Variants in PTPRM observed in about 807,000 individuals in gnomAD.
PTPRM encodes the protein receptor-type tyrosine-protein phosphatase mu.
PTPRM carries 47 observed loss-of-function variants against 186.7 expected under a neutral mutation model. That is an observed-to-expected ratio of 0.25 (90% confidence interval 0.20 to 0.32). The LOEUF is 0.32. Ranked by LOEUF, PTPRM falls within the 10% of genes least tolerant of loss-of-function variation. PTPRM has a pLI of 1.00. For synonymous variants in PTPRM, 668 were observed against 674.9 expected, an observed-to-expected ratio of 0.99 and a Z score of 0.16; for missense variants, 1,494 against 1,865.0, an observed-to-expected ratio of 0.80 and a Z score of 3.66.
chr18:7,577,694 A>C (rs952656844), intron 1 of PTPRM, among the ~76,000 whole-genome samples: 2 of 152,240 alleles, frequency 1.3e-5, no homozygotes, highest in Middle Eastern at 3.4e-3. Context: ...TCAACTTCTG[A>C]AGTCTTGAAC....
intron 2 of PTPRM, among the ~76,000 whole-genome samples, chr18:7,856,565 C>G (rs940462003): frequency 6.6e-6 from 1 of 151,532 alleles, no homozygotes; most frequent in African/African-American, 2.4e-5. Context: ...ATAGTGAGAC[C>G]CTGTCTTTGC....
At chr18:7,777,839 A>C (rs2042665702) in intron 2 of PTPRM, among the ~76,000 whole-genome samples, 1 of 152,168 alleles carries the variant, frequency 6.6e-6, no homozygotes, top group Admixed American at 6.5e-5. Flanking sequence ...ACAGTCCTGT[A>C]ATTCTAATAA....
intron 22 of PTPRM, among the ~76,000 whole-genome samples, chr18:8,328,378 A>C (rs1424460308): frequency 6.6e-6 from 1 of 152,208 alleles, no homozygotes; most frequent in Non-Finnish European, 1.5e-5. Context: ...TAGAATTGAA[A>C]GAACTTTTTT....
intron 1 of PTPRM, among the ~76,000 whole-genome samples, chr18:7,683,057 T>G (rs2144587099): frequency 6.6e-6 from 1 of 152,294 alleles, no homozygotes; most frequent in South Asian, 2.1e-4. Context: ...TCCATGAGGC[T>G]TAGTGTCTCT....
chr18:7,683,702 A>G (rs1416928243), intron 1 of PTPRM, among the ~76,000 whole-genome samples: 1 of 152,196 alleles, frequency 6.6e-6, no homozygotes, highest in Admixed American at 6.5e-5. Flanking sequence ...GTTGCATAAT[A>G]AATTGCTACA....
At chr18:7,577,134 T>A (rs1200725137) in intron 1 of PTPRM, among the ~76,000 whole-genome samples, 1 of 152,194 alleles carries the variant, frequency 6.6e-6, no homozygotes, top group African/African-American at 2.4e-5. Flanking sequence ...CCAATAACCT[T>A]AACAATAGAA....
chr18:8,048,334 A>C (rs2087215935), intron 7 of PTPRM, among the ~76,000 whole-genome samples: 1 of 152,052 alleles, frequency 6.6e-6, no homozygotes, highest in African/African-American at 2.4e-5. Flanking sequence ...TCAAGTTAGA[A>C]CCTGTATTTT....
chr18:8,001,855 A>G (rs12185387), intron 7 of PTPRM, among the ~76,000 whole-genome samples: 13,389 of 152,268 alleles, frequency 0.088, 698 homozygotes, highest in South Asian at 0.17. Flanking sequence ...TACTGAACAC[A>G]TCATATTCTA....
intron 14 of PTPRM, among the ~76,000 whole-genome samples, chr18:8,185,580 C>T (rs540109240): frequency 1.3e-5 from 2 of 152,324 alleles, no homozygotes; most frequent in East Asian, 3.9e-4. Context: ...TCAGTGGCCT[C>T]AGGTGGCTCT....
At chr18:8,261,180 G>A (rs925000561) in intron 19 of PTPRM, among the ~76,000 whole-genome samples, 3 of 152,148 alleles carry the variant, frequency 2.0e-5, no homozygotes, top group Non-Finnish European at 4.4e-5. Context: ...ATCAGTGCAG[G>A]TTGTTTTCTG....
At chr18:7,771,989 G>T (rs968822546) in intron 1 of PTPRM, among the ~76,000 whole-genome samples, 2 of 152,206 alleles carry the variant, frequency 1.3e-5, no homozygotes, top group Non-Finnish European at 2.9e-5. Flanking sequence ...TACAAAAGCC[G>T]TATGGGATTT....
At chr18:7,704,970 T>G (rs1418023182) in intron 1 of PTPRM, among the ~76,000 whole-genome samples, 1 of 152,104 alleles carries the variant, frequency 6.6e-6, no homozygotes, top group East Asian at 1.9e-4. Context: ...ACCTGTAGTT[T>G]CACTATGTGA....
chr18:7,590,617 T>G (rs775220094), intron 1 of PTPRM, among the ~76,000 whole-genome samples: 2 of 152,190 alleles, frequency 1.3e-5, no homozygotes, highest in Non-Finnish European at 2.9e-5. Flanking sequence ...TCCTGGTATA[T>G]TCATGTAATA....
chr18:8,320,190 CA>C (rs1288409747), intron 22 of PTPRM, among the ~76,000 whole-genome samples: 1 of 152,090 alleles, frequency 6.6e-6, no homozygotes, highest in Non-Finnish European at 1.5e-5. Flanking sequence ...TGTGATCTGC[CA>C]AAGGTTAGGC....
chr18:8,267,757 A>T (rs1265277460), intron 19 of PTPRM, among the ~76,000 whole-genome samples: 2 of 152,186 alleles, frequency 1.3e-5, no homozygotes, highest in Non-Finnish European at 2.9e-5. Flanking sequence ...TCGCATCAGC[A>T]CTCTGTAAGA....
intron 14 of PTPRM, among the ~76,000 whole-genome samples, chr18:8,220,099 C>T (rs899900747): frequency 5.9e-5 from 9 of 151,886 alleles, no homozygotes; most frequent in African/African-American, 1.5e-4. Flanking sequence ...TTTCTTTTAC[C>T]GCATGGTACA....
At chr18:7,898,353 T>C (rs2049479165) in intron 3 of PTPRM, among the ~76,000 whole-genome samples, 1 of 152,208 alleles carries the variant, frequency 6.6e-6, no homozygotes. Context: ...AGTATCTGTG[T>C]TGGTAAGCAA....
chr18:7,769,486 T>G (rs1188967793), intron 1 of PTPRM, among the ~76,000 whole-genome samples: 1 of 152,182 alleles, frequency 6.6e-6, no homozygotes, highest in East Asian at 1.9e-4. Context: ...ATCAGTCATA[T>G]TTTCTTCTTT....
intron 2 of PTPRM, among the ~76,000 whole-genome samples, chr18:7,778,513 G>A (rs533474726): frequency 1.6e-4 from 25 of 152,118 alleles, no homozygotes; most frequent in African/African-American, 5.8e-4. Context: ...CCAGGCTGGA[G>A]TGAAGTGGCA....
Sources: allele counts gnomAD v4.1 joint callset (sites outside exome capture counted in the v4.1 genomes callset), GRCh38; gene constraint gnomAD v4.1.1; transcripts MANE v1.5; gene names NCBI Gene and HGNC (gene_info 2026-07-23, HGNC 2026-07-21).